METTL17: variants seen among roughly 807,000 people sequenced by gnomAD.
METTL17 encodes the protein methyltransferase like 17.
In METTL17, 49 loss-of-function variants were observed where a neutral mutation model predicts 59.4. The observed-to-expected ratio is 0.82, with a 90% CI of 0.66 to 1.05. The LOEUF (loss-of-function observed/expected upper bound fraction) is 1.05, where lower values mean the gene tolerates loss of function less well. Among genes scored for constraint, METTL17 ranks in the 50% least tolerant of loss-of-function variants. The probability of loss-of-function intolerance (pLI) is 0.00; values close to 1 mark genes in which losing one functional copy is unlikely to be tolerated. For missense variants in METTL17, 555 were observed against 578.4 expected (o/e 0.96, Z 0.41); for synonymous variants, 208 against 209.2 (o/e 0.99, Z 0.05).
At chr14:20,992,681 G>A (rs1880100126) in intron 5 of METTL17, 59 bp downstream of exon 5, 3 of 1,342,328 alleles carry the variant, frequency 2.2e-6, no homozygotes, top group Middle Eastern at 1.8e-4. Context: ...TATTCATAAA[G>A]TAGTTTTCTA....
intron 7 of METTL17, 62 bp downstream of exon 7, chr14:20,994,125 G>C: frequency 9.3e-6 from 11 of 1,178,530 alleles, no homozygotes; most frequent in Non-Finnish European, 3.8e-6. Context: ...ACTAGTAAAA[G>C]TGTTTTACTG....
At position 20,996,714 on chromosome 14, in the gene METTL17, A is replaced by T. The variant is rs781448018; in HGVS notation, c.1265+3A>T. 1 of 1,614,204 alleles carries T rather than the reference A, an allele frequency of 6.2e-7. No homozygotes were observed. Among genetic ancestry groups the T allele is most frequent in the South Asian group, 1.1e-5 (1 of 91,088 alleles). On this transcript the variant is annotated splice_donor_region_variant and intron_variant, in intron 13 of 13. Transcript: ENST00000339374. ...CTCACAGCCCGCCGGCACGGCAGGTATGGGGGGTGTGACCAAAATCAGTGG... is the reference window on the plus strand; with the variant it reads ...CTCACAGCCCGCCGGCACGGCAGGTTTGGGGGGTGTGACCAAAATCAGTGG...
Position 20,992,121 on chromosome 14 carries a change from C to T in METTL17, c.365-3C>T, listed in dbSNP as rs1428219756. On this transcript the variant is annotated splice_polypyrimidine_tract_variant and splice_region_variant and intron_variant, in intron 3 of 13. Transcript: ENST00000339374. ...TGACTTCCAGTCCTTGTTCTCACCA[C>T]AGACTTATCTCAGACAGAGGAGAAA... 2 of 1,613,038 alleles carry T rather than the reference C, an allele frequency of 1.2e-6. No homozygotes were observed. The highest frequency in any genetic ancestry group is 2.7e-5 in the African/African-American group (2 of 74,860).
chr14:20,996,849 G>A lies in METTL17; in HGVS notation c.1330G>A (p.Ala444Thr), dbSNP rs1880414894. The A allele has an allele frequency of 3.7e-6, 6 of 1,613,386 alleles. No individual in the cohort carries two copies. The African/African-American group carries it at 5.3e-5, about 14-fold the overall frequency. ...TCTTTTACCTGTGCTTACTCCGTCT[G>A]CGTTTCCTCCATCTACGGCTCAGGA... ...GDLLPVLTPS[A>T]FPPSTAQDPS... Residue 444 changes from alanine to threonine, a missense_variant, in exon 14 of 14, where the codon GCG becomes ACG. By Grantham distance (58) the Ala-to-Thr change is moderately conservative. Coordinates refer to ENST00000339374, the MANE Select transcript of METTL17 (RefSeq NM_022734.3).
Position 20,996,957 on chromosome 14 carries a change from A to G in METTL17, c.*67A>G. On this transcript the variant is annotated 3_prime_UTR_variant, in exon 14 of 14. Transcript: ENST00000339374. ...GGGCTGAAGCTGCCTGGTATCCAGG[A>G]GGGGAATGCTGGTATCCCCATATGT... 6.6e-7 allele frequency: 1 copy of G among 1,523,322 alleles called. No homozygotes were observed. Among genetic ancestry groups the G allele is most frequent in the Admixed American group, 1.8e-5 (1 of 56,088 alleles). 94.4% of individuals were successfully genotyped at this position (1,523,322 alleles called of 1,614,324 possible).
chr14:20,995,524 T>C (rs1407828807), intron 10 of METTL17, among the ~76,000 whole-genome samples: 1 of 152,220 alleles, frequency 6.6e-6, no homozygotes, highest in African/African-American at 2.4e-5. Flanking sequence ...TTTTGCCTAC[T>C]CTCTGGCCCT....
intron 7 of METTL17, 127 bp downstream of exon 7, chr14:20,994,190 T>C (rs1880219879): frequency 1.7e-5 from 12 of 709,530 alleles, no homozygotes; most frequent in South Asian, 1.1e-4. Context: ...TTTAAAGTTA[T>C]AGTCAAGCAA....
At chr14:20,995,143 T>C in intron 9 of METTL17, 22 bp from the exon 10 acceptor site, 1 of 1,610,188 alleles carries the variant, frequency 6.2e-7, no homozygotes, top group Non-Finnish European at 8.5e-7. Flanking sequence ...GTCTTCTGCA[T>C]ATTTTCCCCT....
chr14:20,996,984 T>C lies in METTL17; in HGVS notation c.*94T>C. The C allele has an allele frequency of 8.1e-7, 1 of 1,229,704 alleles. No homozygotes were observed. Among genetic ancestry groups the C allele is most frequent in the Non-Finnish European group, 1.1e-6 (1 of 914,650 alleles). 76.2% of individuals were successfully genotyped at this position (1,229,704 alleles called of 1,614,324 possible). A position where few individuals can be genotyped will look rare whatever the true frequency, so the allele number is the denominator to read the frequency against. On this transcript the variant is annotated 3_prime_UTR_variant, in exon 14 of 14. Transcript: ENST00000339374. ...GGGAATGCTGGTATCCCCATATGTCTGTGTTTGTTTGAGATTTTTAATAAT... is the reference window on the plus strand; with the variant it reads ...GGGAATGCTGGTATCCCCATATGTCCGTGTTTGTTTGAGATTTTTAATAAT...
chr14:20,996,924 G>T lies in METTL17; in HGVS notation c.*34G>T. 6.3e-7 allele frequency: 1 copy of T among 1,575,596 alleles called. No individual in the cohort carries two copies. The highest frequency in any genetic ancestry group is 8.6e-7 in the Non-Finnish European group (1 of 1,159,652). ...TGTAACAAGTATTTTCTTCTATCGTGCCTGCCAGGGCTGAAGCTGCCTGGT... is the reference window on the plus strand; with the variant it reads ...TGTAACAAGTATTTTCTTCTATCGTTCCTGCCAGGGCTGAAGCTGCCTGGT... On this transcript the variant is annotated 3_prime_UTR_variant, in exon 14 of 14. Transcript: ENST00000339374.
At chr14:20,993,397 C>T (rs1053121322) in intron 6 of METTL17, 11 of 475,788 alleles carry the variant, frequency 2.3e-5, no homozygotes, top group Non-Finnish European at 3.7e-5. Context: ...TAAAAAAAGG[C>T]GCATGTGTAG....
At chr14:20,993,386 G>A (rs926198768) in intron 6 of METTL17, 195 bp downstream of exon 6, 2 of 482,742 alleles carry the variant, frequency 4.1e-6, no homozygotes, top group Non-Finnish European at 3.7e-6. Context: ...GAAATGTCAA[G>A]TAAAAAAAGG....
intron 2 of METTL17, 35 bp from the exon 3 acceptor site, chr14:20,990,429 T>C (rs747162490): frequency 1.2e-6 from 2 of 1,613,782 alleles, no homozygotes; most frequent in Admixed American, 1.7e-5. Context: ...TGGACCTACA[T>C]GCAAGTGATT....
rs369220143 is a variant in METTL17, at chr14:20,993,948, A to G, written c.603-21A>G. ...TCTTGGTCATGGGAATTGGTGATTT[A>G]TAATAATTTTGCCATCTTAGGGCTG... is the stretch of plus-strand genomic sequence containing the variant. On this transcript the variant is annotated intron_variant, in intron 6 of 13. Coordinates refer to ENST00000339374, the MANE Select transcript of METTL17 (RefSeq NM_022734.3). 5 of 1,592,280 alleles carry G rather than the reference A, an allele frequency of 3.1e-6. No individual in the cohort carries two copies. The African/African-American group carries it at 5.4e-5, about 17-fold the overall frequency.
rs1168503094 is a variant in METTL17, at chr14:20,996,590, G to T, written c.1144G>T (p.Ala382Ser). 7.4e-6 allele frequency: 12 copies of T among 1,614,184 alleles called. No individual in the cohort carries two copies. Among genetic ancestry groups the T allele is most frequent in the Non-Finnish European group, 1.0e-5 (12 of 1,180,028 alleles). ...CCTTGCTCGGGGGTCTCCAGAGGAGGCTCATCGCTGGCCCCGTATCACTCA... is the reference window on the plus strand; with the variant it reads ...CCTTGCTCGGGGGTCTCCAGAGGAGTCTCATCGCTGGCCCCGTATCACTCA... ...VILARGSPEEAHRWPRITQPV... is the reference protein window; with the variant it reads ...VILARGSPEESHRWPRITQPV... Residue 382 changes from alanine to serine, a missense_variant, in exon 13 of 14, where the codon GCT becomes TCT. By Grantham distance (99) the Ala-to-Ser change is moderately conservative (BLOSUM62 1). Coordinates refer to ENST00000339374, the MANE Select transcript of METTL17 (RefSeq NM_022734.3).
intron 4 of METTL17, 58 bp from the exon 5 acceptor site, chr14:20,992,483 G>A (rs1880084512): frequency 7.4e-7 from 1 of 1,345,232 alleles, no homozygotes; most frequent in South Asian, 1.2e-5. Flanking sequence ...AATCTAGAAG[G>A]TAATTATGGG....
Position 20,990,516 on chromosome 14 carries a change from C to T in METTL17, c.282C>T (p.Leu94=). The part of the protein sequence containing the change: ...ENQVQTLTSY[L]WSRHLPVEPE... The stretch of plus-strand genomic sequence containing the variant: ...AGGTGCAAACACTGACCAGTTATCT[C>T]TGGAGCAGACATTTGCCTGTAGAGC... Residue 94 remains leucine, a synonymous_variant, in exon 3 of 14, where the codon CTC becomes CTT. Coordinates refer to ENST00000339374, the MANE Select transcript of METTL17 (RefSeq NM_022734.3). 1 of 1,614,222 alleles carries T rather than the reference C, an allele frequency of 6.2e-7. No individual in the cohort carries two copies.
intron 6 of METTL17, 33 bp downstream of exon 6, chr14:20,993,224 A>C: frequency 6.3e-7 from 1 of 1,588,930 alleles, no homozygotes; most frequent in Admixed American, 1.7e-5. Context: ...ATCTTGGTCA[A>C]TTTTAGCTCT....
Position 20,994,568 on chromosome 14 carries a change from T to G in METTL17, c.723T>G (p.Tyr241Ter). 1 of 1,614,258 alleles carries G rather than the reference T, an allele frequency of 6.2e-7. No homozygotes were observed. The highest frequency in any genetic ancestry group is 8.5e-7 in the Non-Finnish European group (1 of 1,180,038). ...LKGGSESGEPYIPGVFFRQFL... is the reference protein window; with the variant it reads ...LKGGSESGEP Reference sequence around the variant, plus strand: ...GTGGTTCAGAATCTGGGGAGCCTTATATTCCAGGTGTCTTTTTCAGACAGT... The same window carrying G: ...GTGGTTCAGAATCTGGGGAGCCTTAGATTCCAGGTGTCTTTTTCAGACAGT... The change falls in exon 8 of 14, where the codon TAT becomes TAG. Residue 241 changes from tyrosine (Y) to a stop codon, truncating the protein, a stop_gained. Transcript: ENST00000339374. LOFTEE classifies it high-confidence loss of function.
Sources: allele counts gnomAD v4.1 joint callset (sites outside exome capture counted in the v4.1 genomes callset), GRCh38; gene constraint gnomAD v4.1.1; transcripts MANE v1.5; gene names NCBI Gene and HGNC (gene_info 2026-07-23, HGNC 2026-07-21).